The following HS6ST3 variants were observed in gnomAD, a reference collection of about 807,000 sequenced individuals.
HS6ST3 encodes heparan-sulfate 6-O-sulfotransferase 3.
In HS6ST3, 12 loss-of-function variants were observed where a neutral mutation model predicts 36.7. The ratio of observed to expected loss-of-function variants is 0.33; its 90% CI spans 0.21 to 0.53. The LOEUF is 0.53. HS6ST3 is among the 20% of genes least tolerant of loss of function. The pLI, the probability that HS6ST3 is intolerant of heterozygous loss-of-function variation, is 0.95. For missense variants in HS6ST3, 584 were observed against 640.9 expected, an observed-to-expected ratio of 0.91 and a Z score of 0.96; for synonymous variants, 240 against 257.5, an observed-to-expected ratio of 0.93 and a Z score of 0.65.
At chr13:96,182,056 G>A (rs989638344) in intron 1 of HS6ST3, among the ~76,000 whole-genome samples, 1 of 152,172 alleles carries the variant, frequency 6.6e-6, no homozygotes, top group Non-Finnish European at 1.5e-5. Flanking sequence ...CCTCGAAAAA[G>A]TTCAGGGACT....
chr13:96,541,467 C>T (rs185206141), intron 1 of HS6ST3, among the ~76,000 whole-genome samples: 5 of 152,190 alleles, frequency 3.3e-5, no homozygotes, highest in East Asian at 3.9e-4. Context: ...TGAAAATGTA[C>T]GGGGATTTGG....
intron 1 of HS6ST3, among the ~76,000 whole-genome samples, chr13:96,577,816 G>A (rs2056327396): frequency 6.6e-6 from 1 of 152,178 alleles, no homozygotes; most frequent in Non-Finnish European, 1.5e-5. Context: ...AGTTAGAATG[G>A]CGATCATTAA....
chr13:96,439,548 T>C (rs367752999), intron 1 of HS6ST3, among the ~76,000 whole-genome samples: 6 of 152,366 alleles, frequency 3.9e-5, no homozygotes, highest in African/African-American at 1.4e-4. Context: ...GTTTATTTCA[T>C]GGCTCTGGCA....
chr13:96,477,904 T>C (rs1444802927), intron 1 of HS6ST3, among the ~76,000 whole-genome samples: 1 of 151,606 alleles, frequency 6.6e-6, no homozygotes, highest in African/African-American at 2.4e-5. Context: ...AATAATAATA[T>C]ATTGTATTAC....
At chr13:96,351,335 T>TTTTTTTTTTTAAA (rs1203595829) in intron 1 of HS6ST3, among the ~76,000 whole-genome samples, 42 of 146,402 alleles carry the variant, frequency 2.9e-4, no homozygotes, top group Middle Eastern at 3.5e-3. Context: ...TTTTTTTTTT[T>TTTTTTTTTTTAAA]AAAAAAAACA....
At chr13:96,555,283 C>T (rs192192213) in intron 1 of HS6ST3, among the ~76,000 whole-genome samples, 47 of 152,096 alleles carry the variant, frequency 3.1e-4, no homozygotes, top group African/African-American at 1.1e-3. Flanking sequence ...ATTTTCAAAA[C>T]GTCATGTTGT....
At chr13:96,553,789 C>A (rs1458912315) in intron 1 of HS6ST3, among the ~76,000 whole-genome samples, 1 of 152,090 alleles carries the variant, frequency 6.6e-6, no homozygotes, top group African/African-American at 2.4e-5. Context: ...TAGTTTTACA[C>A]AGGGTGAATT....
intron 1 of HS6ST3, among the ~76,000 whole-genome samples, chr13:96,590,080 T>G (rs2056376977): frequency 6.6e-6 from 1 of 152,160 alleles, no homozygotes; most frequent in Non-Finnish European, 1.5e-5. Flanking sequence ...TACTCATTCA[T>G]CTGTTGATGG....
chr13:96,288,093 A>G (rs2139397514), intron 1 of HS6ST3, among the ~76,000 whole-genome samples: 1 of 152,282 alleles, frequency 6.6e-6, no homozygotes, highest in East Asian at 1.9e-4. Flanking sequence ...AGATTTACTG[A>G]TTCAGAAACT....
At chr13:96,589,854 G>A (rs1332911266) in intron 1 of HS6ST3, among the ~76,000 whole-genome samples, 1 of 151,906 alleles carries the variant, frequency 6.6e-6, no homozygotes, top group African/African-American at 2.4e-5. Flanking sequence ...TCTAGCTTCT[G>A]GAAACAATGC....
intron 1 of HS6ST3, among the ~76,000 whole-genome samples, chr13:96,525,648 T>C (rs1022639251): frequency 7.9e-5 from 12 of 152,234 alleles, no homozygotes; most frequent in African/African-American, 2.9e-4. Flanking sequence ...TCCATGACTT[T>C]GAAAGATCTT....
At chr13:96,612,630 C>A (rs1566411166) in intron 1 of HS6ST3, among the ~76,000 whole-genome samples, 1 of 152,070 alleles carries the variant, frequency 6.6e-6, no homozygotes, top group East Asian at 1.9e-4. Flanking sequence ...TCCTAGTTTG[C>A]ATATCTTATT....
At chr13:96,584,371 T>G (rs1200561809) in intron 1 of HS6ST3, among the ~76,000 whole-genome samples, 1 of 152,164 alleles carries the variant, frequency 6.6e-6, no homozygotes, top group Non-Finnish European at 1.5e-5. Flanking sequence ...CTTGAACTCC[T>G]GATCTCAAGT....
In HS6ST3 at chr13:96,612,859, C is replaced by A. The variant is rs115505746; in HGVS notation, c.708-219631C>A. Among the ~76,000 whole-genome samples the A allele has an allele frequency of 5.6e-3, 858 of 152,252 alleles. 5 individuals are homozygous for A. The highest frequency in any genetic ancestry group is 0.019 in the African/African-American group (810 of 41,542). ...GTCCCTCTGTTACTCTCTAACCTGG[C>A]TTCCTTCCACCCCACTTCTCTCTGG... On this transcript the variant is annotated intron_variant, in intron 1 of 1. Transcript: ENST00000376705.
intron 1 of HS6ST3, among the ~76,000 whole-genome samples, chr13:96,785,824 A>G (rs1259211134): frequency 6.6e-6 from 1 of 152,236 alleles, no homozygotes; most frequent in Non-Finnish European, 1.5e-5. Flanking sequence ...ACACATATAC[A>G]TAAAATTCTC....
intron 1 of HS6ST3, among the ~76,000 whole-genome samples, chr13:96,198,419 G>A (rs1339490987): frequency 1.3e-5 from 2 of 152,156 alleles, no homozygotes; most frequent in African/African-American, 4.8e-5. Context: ...CAGAAAATGG[G>A]TTTTTCTTTT....
chr13:96,595,000 T>C (rs2056396229), intron 1 of HS6ST3, among the ~76,000 whole-genome samples: 1 of 152,174 alleles, frequency 6.6e-6, no homozygotes, highest in African/African-American at 2.4e-5. Context: ...GAATATTTGG[T>C]TGGTAGCTTT....
chr13:96,407,658 G>A (rs2139460455), intron 1 of HS6ST3, among the ~76,000 whole-genome samples: 1 of 152,300 alleles, frequency 6.6e-6, no homozygotes, highest in East Asian at 1.9e-4. Context: ...GCTGGGTGCT[G>A]TGGGACATGT....
intron 1 of HS6ST3, among the ~76,000 whole-genome samples, chr13:96,660,664 C>A (rs1013341829): frequency 1.3e-5 from 2 of 152,030 alleles, no homozygotes; most frequent in Non-Finnish European, 2.9e-5. Flanking sequence ...TAATAGAACT[C>A]AAAGAATTCT....
Sources: allele counts gnomAD v4.1 joint callset (sites outside exome capture counted in the v4.1 genomes callset), GRCh38; gene constraint gnomAD v4.1.1; transcripts MANE v1.5; gene names NCBI Gene and HGNC (gene_info 2026-07-23, HGNC 2026-07-21).